Variants in PDE10A observed in about 807,000 individuals in gnomAD.
PDE10A encodes cAMP and cAMP-inhibited cGMP 3',5'-cyclic phosphodiesterase 10A.
In PDE10A, 39 loss-of-function variants were observed where a neutral mutation model predicts 97.7. The ratio of observed to expected loss-of-function variants is 0.40; its 90% CI spans 0.31 to 0.52. PDE10A has a LOEUF of 0.52. Among genes scored for constraint, PDE10A ranks in the 20% least tolerant of loss-of-function variants. PDE10A has a pLI of 0.56. For missense variants in PDE10A, 731 were observed against 1,047.8 expected (o/e 0.70, Z 4.17); for synonymous variants, 371 against 376.8 (o/e 0.98, Z 0.18).
In PDE10A at chr6:165,819,700, C is replaced by T. The variant is rs1779515746; in HGVS notation, c.-615+167829G>A. ...AGTGTGCTGGATTTCACTGACTGTGCACCACGTACTCCTCACCCGCCCTCC... is the reference window on the plus strand; with the variant it reads ...AGTGTGCTGGATTTCACTGACTGTGTACCACGTACTCCTCACCCGCCCTCC... On this transcript the variant is annotated intron_variant, in intron 1 of 19. Transcript: ENST00000366882. The surrounding 1 kb of genome is among the most constrained non-coding windows in gnomAD (Gnocchi z 4.2). Among the ~76,000 whole-genome samples, 1 of 152,208 alleles carries T rather than the reference C, an allele frequency of 6.6e-6. No individual in the cohort carries two copies. Among genetic ancestry groups the T allele is most frequent in the African/African-American group, 2.4e-5 (1 of 41,448 alleles).
At chr6:165,668,857 T>A (rs2128435550) in intron 1 of PDE10A, among the ~76,000 whole-genome samples, 1 of 152,182 alleles carries the variant, frequency 6.6e-6, no homozygotes, top group Non-Finnish European at 1.5e-5. Context: ...TGTTCTGACA[T>A]CAGATCTTGA....
At chr6:165,587,739 A>G (rs931343647) in intron 1 of PDE10A, among the ~76,000 whole-genome samples, 3 of 152,212 alleles carry the variant, frequency 2.0e-5, no homozygotes, top group Non-Finnish European at 4.4e-5. Flanking sequence ...ACTGTTAAAA[A>G]AAAATGCAAC....
At chr6:165,903,593 A>C (rs552169797) in intron 1 of PDE10A, among the ~76,000 whole-genome samples, 3 of 152,206 alleles carry the variant, frequency 2.0e-5, no homozygotes, top group Non-Finnish European at 4.4e-5. Flanking sequence ...GTCCATGTGC[A>C]TAGATCCAGT....
chr6:165,813,594 C>T (rs771220190), intron 1 of PDE10A, among the ~76,000 whole-genome samples: 15 of 152,114 alleles, frequency 9.9e-5, no homozygotes, highest in East Asian at 1.9e-4. Context: ...ACAATGCATC[C>T]GAAGACAATC....
intron 1 of PDE10A, among the ~76,000 whole-genome samples, chr6:165,569,403 T>C (rs908260133): frequency 2.6e-5 from 4 of 152,230 alleles, no homozygotes; most frequent in Non-Finnish European, 4.4e-5. Flanking sequence ...GCACGAGTGT[T>C]GTAAGACTGT....
At position 165,961,832 on chromosome 6, in the gene PDE10A, A is replaced by G. The variant is rs1583355945; in HGVS notation, c.-615+25697T>C. Among the ~76,000 whole-genome samples, 3 of 152,206 alleles carry G rather than the reference A, an allele frequency of 2.0e-5. No individual in the cohort carries two copies. The East Asian group carries it at 5.8e-4, about 29-fold the overall frequency. On this transcript the variant is annotated intron_variant, in intron 1 of 19. Coordinates refer to the PDE10A transcript ENST00000366882. Reference sequence around the variant, plus strand: ...TTTCTCCTTTCCAGAAATCCATAATATTCTTCTTAGCCAAGATCCACCCTC... The same window carrying G: ...TTTCTCCTTTCCAGAAATCCATAATGTTCTTCTTAGCCAAGATCCACCCTC...
chr6:165,678,694 C>T (rs1364562827), intron 1 of PDE10A, among the ~76,000 whole-genome samples: 2 of 152,174 alleles, frequency 1.3e-5, no homozygotes, highest in African/African-American at 4.8e-5. Context: ...AACCCGCTTC[C>T]GCCCACACTC....
At chr6:165,449,113 G>A in intron 4 of PDE10A, 136 bp from the exon 5 acceptor site, 2 of 622,732 alleles carry the variant, frequency 3.2e-6, no homozygotes, top group Non-Finnish European at 5.9e-6. Flanking sequence ...GCAGTAAATG[G>A]AACAAAATCA....
rs116278088 is a variant in PDE10A, at chr6:165,488,806, C to T, written c.995-6463G>A. ...GGAGCTGGGTGAGGCCTGTGGCTGCCGGCTTTACCCCACTTTTCTGGTGAC... is the reference window on the plus strand; with the variant it reads ...GGAGCTGGGTGAGGCCTGTGGCTGCTGGCTTTACCCCACTTTTCTGGTGAC... On this transcript the variant is annotated intron_variant, in intron 2 of 21. Transcript: ENST00000539869. 4.9e-3 allele frequency among the ~76,000 whole-genome samples: 747 copies of T among 152,218 alleles called. 3 individuals are homozygous for T. Among genetic ancestry groups the T allele is most frequent in the African/African-American group, 0.017 (702 of 41,532 alleles).
At chr6:165,617,278 TCAGA>T (rs1787768453) in intron 1 of PDE10A, among the ~76,000 whole-genome samples, 1 of 152,098 alleles carries the variant, frequency 6.6e-6, no homozygotes. Flanking sequence ...TGCCTAAAAA[TCAGA>T]AAGAGGGACC....
chr6:165,552,161 C>G (rs1784051113), intron 1 of PDE10A, among the ~76,000 whole-genome samples: 2 of 152,190 alleles, frequency 1.3e-5, no homozygotes, highest in South Asian at 4.1e-4. Context: ...AGACAGTCAT[C>G]AAAAGCTGAA....
At chr6:165,812,857 C>T (rs1043216120) in intron 1 of PDE10A, among the ~76,000 whole-genome samples, 2 of 152,104 alleles carry the variant, frequency 1.3e-5, no homozygotes, top group African/African-American at 4.8e-5. Context: ...AGTAACTTCT[C>T]TCCTGTAAAT....
chr6:165,575,538 T>A (rs1232397350), intron 1 of PDE10A, among the ~76,000 whole-genome samples: 2 of 152,172 alleles, frequency 1.3e-5, no homozygotes, highest in Non-Finnish European at 2.9e-5. Flanking sequence ...CCCCTTTATG[T>A]CTCATGTCTT....
At chr6:165,559,113 A>G (rs1413995439) in intron 1 of PDE10A, among the ~76,000 whole-genome samples, 1 of 152,240 alleles carries the variant, frequency 6.6e-6, no homozygotes, top group African/African-American at 2.4e-5. Flanking sequence ...CAAAGTTTCT[A>G]GCTTAGGTAA....
At chr6:165,941,659 C>T (rs928395606) in intron 1 of PDE10A, among the ~76,000 whole-genome samples, 1 of 152,142 alleles carries the variant, frequency 6.6e-6, no homozygotes, top group Non-Finnish European at 1.5e-5. Context: ...CCTGCTTTTG[C>T]CATGTGATGT....
intron 16 of PDE10A, among the ~76,000 whole-genome samples, chr6:165,390,663 G>GTAA (rs893892928): frequency 5.9e-5 from 9 of 152,150 alleles, no homozygotes; most frequent in Non-Finnish European, 8.8e-5. Context: ...GGAGTGTGAA[G>GTAA]GTTTAAGGAA....
chr6:165,666,149 G>T (rs1292680614), upstream of PDE10A, among the ~76,000 whole-genome samples: 2 of 152,110 alleles, frequency 1.3e-5, no homozygotes, highest in African/African-American at 4.8e-5. Flanking sequence ...AACTAACATG[G>T]TTAATATTTT....
chr6:165,382,993 A>G (rs1052985612), intron 17 of PDE10A, among the ~76,000 whole-genome samples: 1 of 152,218 alleles, frequency 6.6e-6, no homozygotes, highest in Non-Finnish European at 1.5e-5. Context: ...ACAACAGCAA[A>G]TTGTATCTAG....
At chr6:165,818,562 G>C (rs1488803386) in intron 1 of PDE10A, among the ~76,000 whole-genome samples, 2 of 152,236 alleles carry the variant, frequency 1.3e-5, no homozygotes, top group African/African-American at 2.4e-5. Context: ...TTTGCCCTTA[G>C]ATCAGAGATG....
Sources: gnomAD v4.1 joint callset for allele counts (sites outside exome capture counted in the v4.1 genomes callset) on GRCh38, gnomAD v4.1.1 for gene constraint, Gnocchi (gnomAD v3.1) non-coding constraint, MANE v1.5 for transcripts, NCBI Gene and HGNC (gene_info 2026-07-23, HGNC 2026-07-21) for gene names.